DDX6: variants seen among roughly 807,000 people sequenced by gnomAD.
DDX6 encodes the protein DEAD-box helicase 6, also known as probable ATP-dependent RNA helicase DDX6.
In DDX6, 7 loss-of-function variants were observed where a neutral mutation model predicts 60.6. The ratio of observed to expected loss-of-function variants is 0.12; its 90% CI spans 0.07 to 0.22. The LOEUF (loss-of-function observed/expected upper bound fraction) is 0.22, where lower values mean the gene tolerates loss of function less well. Among genes scored for constraint, DDX6 ranks in the 10% least tolerant of loss-of-function variants. The probability of loss-of-function intolerance (pLI) is 1.00; values close to 1 mark genes in which losing one functional copy is unlikely to be tolerated. For missense variants in DDX6, 270 were observed against 589.9 expected (o/e 0.46, Z 5.62); for synonymous variants, 207 against 201.0 (o/e 1.03, Z -0.25).
At chr11:118,778,095 G>A (rs1025702905) in intron 4 of DDX6, among the ~76,000 whole-genome samples, 2 of 152,002 alleles carry the variant, frequency 1.3e-5, no homozygotes, top group Non-Finnish European at 2.9e-5. Flanking sequence ...TATGGATGAG[G>A]GGAAGGGAAG....
In DDX6 at chr11:118,748,762, A is replaced by G. The variant is rs1555156446; in HGVS notation, c.*3343T>C. ...CACCCCTATTAAAAAAAAAAATTAAAAAATTAAACCACGTCATCAGAATGA... is the reference window on the plus strand; with the variant it reads ...CACCCCTATTAAAAAAAAAAATTAAGAAATTAAACCACGTCATCAGAATGA... On this transcript the variant is annotated 3_prime_UTR_variant, in exon 14 of 14. Coordinates refer to ENST00000534980, the MANE Select transcript of DDX6 (RefSeq NM_004397.6). 6.6e-6 allele frequency: 1 copy of G among 151,746 alleles called. No individual in the cohort carries two copies. Among genetic ancestry groups the G allele is most frequent in the Non-Finnish European group, 1.5e-5 (1 of 67,956 alleles). 9.4% of individuals were successfully genotyped at this position (151,746 alleles called of 1,614,324 possible).
intron 1 of DDX6, chr11:118,790,707 C>G (rs1862244597): frequency 6.5e-6 from 1 of 153,102 alleles, no homozygotes; most frequent in African/African-American, 2.4e-5. Context: ...CGCCTCCTCT[C>G]AGGCGCTCCC....
At chr11:118,757,443 A>C (rs1396598472) in intron 9 of DDX6, among the ~76,000 whole-genome samples, 156 bp from the exon 10 acceptor site, 7 of 152,214 alleles carry the variant, frequency 4.6e-5, no homozygotes, top group African/African-American at 1.2e-4. Context: ...TAAAAATTGT[A>C]AATAATAGAT....
chr11:118,776,283 A>C (rs1861696584), intron 4 of DDX6, among the ~76,000 whole-genome samples: 1 of 152,148 alleles, frequency 6.6e-6, no homozygotes, highest in South Asian at 2.1e-4. Context: ...TATCTCACTT[A>C]ATCTTTACAA....
In DDX6 at chr11:118,765,906, AC is replaced by A. The variant is rs566556953; in HGVS notation, c.500-552del. On this transcript the variant is annotated intron_variant, in intron 5 of 13. Transcript: ENST00000534980. ...TTGAGACCAGCCTGACCCTATCTCT[AC>A]TAAAAATACAAAATTAGCTGGGCGT... Among the ~76,000 whole-genome samples the A allele has an allele frequency of 4.0e-4, 61 of 152,046 alleles. No individual in the cohort carries two copies. In the South Asian group the frequency reaches 0.012, roughly 30 times the overall value.
At chr11:118,774,289 C>A (rs1449765003) in intron 4 of DDX6, among the ~76,000 whole-genome samples, 1 of 152,198 alleles carries the variant, frequency 6.6e-6, no homozygotes, top group East Asian at 1.9e-4. Flanking sequence ...TCCTATAAAG[C>A]TATACCTTTA....
chr11:118,777,590 G>A (rs1351237926), intron 4 of DDX6, among the ~76,000 whole-genome samples: 3 of 152,048 alleles, frequency 2.0e-5, no homozygotes, highest in Admixed American at 2.0e-4. Context: ...ATCATGATAT[G>A]TCAAAAAGCA....
At chr11:118,757,480 C>T (rs1861016772) in intron 9 of DDX6, among the ~76,000 whole-genome samples, 193 bp from the exon 10 acceptor site, 1 of 151,560 alleles carries the variant, frequency 6.6e-6, no homozygotes, top group African/African-American at 2.4e-5. Context: ...TAAGATTTAC[C>T]GTATTAGAGT....
intron 4 of DDX6, among the ~76,000 whole-genome samples, chr11:118,773,497 A>G (rs1375423490): frequency 6.6e-6 from 1 of 152,132 alleles, no homozygotes; most frequent in East Asian, 1.9e-4. Flanking sequence ...GCGTGAACCC[A>G]GGAGGCAGAA....
intron 7 of DDX6, 111 bp from the exon 8 acceptor site, chr11:118,760,155 T>C (rs1861114582): frequency 3.9e-6 from 4 of 1,032,124 alleles, no homozygotes; most frequent in South Asian, 1.7e-5. Flanking sequence ...CCATGAAATG[T>C]TCCTGGTGGA....
chr11:118,774,969 A>C (rs936044334), intron 4 of DDX6, among the ~76,000 whole-genome samples: 1 of 152,200 alleles, frequency 6.6e-6, no homozygotes, highest in African/African-American at 2.4e-5. Flanking sequence ...CCATGAGGTT[A>C]TATTTTACCA....
intron 4 of DDX6, among the ~76,000 whole-genome samples, chr11:118,769,029 C>T (rs1861448869): frequency 7.9e-6 from 1 of 126,692 alleles, no homozygotes; most frequent in Non-Finnish European, 1.6e-5. Context: ...CAGTGGCTCA[C>T]ATCTGTAATC....
rs932498080 is a variant in DDX6 at position 118,750,174 on chromosome 11, T to C, written c.*1931A>G. 5.9e-5 allele frequency: 9 copies of C among 152,592 alleles called. No individual in the cohort carries two copies. The highest frequency in any genetic ancestry group is 1.3e-4 in the Non-Finnish European group (9 of 68,030). The allele number at this position is 152,592 out of a possible 1,614,324, so 9.5% of individuals were successfully genotyped here. The stretch of plus-strand genomic sequence containing the variant: ...AAAATAAAATATGGAAATCAATTTT[T>C]TTTAATTTTGTTTTTTGCTTTTTTC... On this transcript the variant is annotated 3_prime_UTR_variant, in exon 14 of 14. Coordinates refer to ENST00000534980, the MANE Select transcript of DDX6 (RefSeq NM_004397.6).
rs1860717789 is a variant in DDX6, at chr11:118,750,391, T to C, written c.*1714A>G. The C allele has an allele frequency of 1.3e-5, 2 of 152,164 alleles. No individual in the cohort carries two copies. Among genetic ancestry groups the C allele is most frequent in the South Asian group, 4.1e-4 (2 of 4,828 alleles). The allele number at this position is 152,164 out of a possible 1,614,324, so 9.4% of individuals were successfully genotyped here. On this transcript the variant is annotated 3_prime_UTR_variant, in exon 14 of 14. Transcript: ENST00000534980. ...TTGACTGTAAAGCATCTGCCAGCAATTTACAGTGCAAAATGACAGGTAACA... is the reference window on the plus strand; with the variant it reads ...TTGACTGTAAAGCATCTGCCAGCAACTTACAGTGCAAAATGACAGGTAACA...
chr11:118,786,347 G>GATAT lies in DDX6; in HGVS notation c.-97_-96insATAT, dbSNP rs1396319102. 1.0e-5 allele frequency: 11 copies of GATAT among 1,075,480 alleles called. No individual in the cohort carries two copies. Among genetic ancestry groups the GATAT allele is most frequent in the Non-Finnish European group, 1.5e-5 (11 of 754,498 alleles). 66.6% of individuals were successfully genotyped at this position (1,075,480 alleles called of 1,614,324 possible). A position where few individuals can be genotyped will look rare whatever the true frequency, so the allele number is the denominator to read the frequency against. On this transcript the variant is annotated 5_prime_UTR_variant, in exon 2 of 14. Transcript: ENST00000534980. ...TTTATTAGGCTCTCCAAAATGAAGAGATAAATATAAGTCTTGCTCAATAAA... is the reference window on the plus strand; with the variant it reads ...TTTATTAGGCTCTCCAAAATGAAGAGATATATAAATATAAGTCTTGCTCAATAAA...
At chr11:118,783,972 CCA>C (rs1352441324) in intron 2 of DDX6, among the ~76,000 whole-genome samples, 1 of 150,938 alleles carries the variant, frequency 6.6e-6, no homozygotes, top group Non-Finnish European at 1.5e-5. Context: ...CCAGTAGTCC[CCA>C]CTATTTGTAG....
At position 118,759,041 on chromosome 11, in the gene DDX6, A is replaced by G; in HGVS notation, c.865-139T>C. 7 of 1,124,888 alleles carry G rather than the reference A, an allele frequency of 6.2e-6. No homozygotes were observed. The South Asian group carries it at 9.6e-5, about 15-fold the overall frequency. 69.7% of individuals were successfully genotyped at this position (1,124,888 alleles called of 1,614,324 possible). ...CGCAACTCTCTTCAAAACAAAATAT[A>G]TGATCTGTCATTACAGAATTTCCCC... On this transcript the variant is annotated intron_variant, in intron 8 of 13. Coordinates refer to ENST00000534980, the MANE Select transcript of DDX6 (RefSeq NM_004397.6).
intron 11 of DDX6, among the ~76,000 whole-genome samples, chr11:118,755,716 T>TA (rs1381892360): frequency 1.3e-5 from 2 of 152,090 alleles, no homozygotes; most frequent in Non-Finnish European, 2.9e-5. Flanking sequence ...AAGCAAGTTT[T>TA]AAAAAATGTG....
chr11:118,767,153 G>A (rs1472033968), intron 5 of DDX6, among the ~76,000 whole-genome samples: 2 of 152,064 alleles, frequency 1.3e-5, no homozygotes, highest in Non-Finnish European at 2.9e-5. Flanking sequence ...CTCCCGAAGT[G>A]CTGGGATTAC....
Sources: gnomAD v4.1 joint callset for allele counts (sites outside exome capture counted in the v4.1 genomes callset) on GRCh38, gnomAD v4.1.1 for gene constraint, MANE v1.5 for transcripts, NCBI Gene and HGNC (gene_info 2026-07-23, HGNC 2026-07-21) for gene names.